Variants in NEU3 observed in about 807,000 individuals in gnomAD.
NEU3 encodes the protein neuraminidase 3, also known as sialidase-3.
In NEU3, 10 loss-of-function variants were observed where a neutral mutation model predicts 11.4. The observed-to-expected ratio is 0.88, with a 90% CI of 0.54 to 1.49. NEU3 has a LOEUF of 1.49. NEU3 is among the 40% of genes most tolerant of loss of function. The pLI is 0.00. For missense variants in NEU3, 529 were observed against 581.8 expected (o/e 0.91, Z 0.93); for synonymous variants, 212 against 228.2 (o/e 0.93, Z 0.64).
At chr11:74,995,933 T>A (rs1948786568) in intron 2 of NEU3, among the ~76,000 whole-genome samples, 1 of 152,094 alleles carries the variant, frequency 6.6e-6, no homozygotes, top group Non-Finnish European at 1.5e-5. Flanking sequence ...GTGGGAGGAT[T>A]GCTTGAGCTC....
rs142753645 is a variant in NEU3, at chr11:75,001,322, C to T, written c.307-4091C>T. Among the ~76,000 whole-genome samples the T allele has an allele frequency of 3.1e-3, 451 of 147,728 alleles. 3 individuals carry two copies. The highest frequency in any genetic ancestry group is 0.011 in the African/African-American group (436 of 39,880). ...TTTGAGATGGAGTCTTACTCTGTCA[C>T]CCAGGCTGGAGTACAGTGGTCAACT... On this transcript the variant is annotated intron_variant, in intron 2 of 2. Transcript: ENST00000294064.
At chr11:74,988,261 C>G (rs1267715024), upstream of NEU3, 3 of 152,264 alleles carry the variant, frequency 2.0e-5, no homozygotes. Context: ...CCTCCAACTC[C>G]TGGGCTCAAG....
At chr11:74,997,993 G>A (rs1168392486) in intron 2 of NEU3, among the ~76,000 whole-genome samples, 2 of 152,236 alleles carry the variant, frequency 1.3e-5, no homozygotes, top group Non-Finnish European at 2.9e-5. Flanking sequence ...TTGATTTAAA[G>A]TGAAAGATGG....
the NEU3 span, among the ~76,000 whole-genome samples, chr11:74,982,017 T>G: frequency 6.6e-6 from 1 of 151,264 alleles, no homozygotes; most frequent in East Asian, 2.1e-4. Context: ...GAAAAGATGT[T>G]TTGACAATGA....
At chr11:74,996,556 C>A (rs1372659264) in intron 2 of NEU3, among the ~76,000 whole-genome samples, 2 of 152,110 alleles carry the variant, frequency 1.3e-5, no homozygotes, top group Non-Finnish European at 2.9e-5. Flanking sequence ...AGTTTTGAAC[C>A]CCTCAAAATC....
At chr11:74,994,244 G>A (rs751319569) in intron 1 of NEU3, among the ~76,000 whole-genome samples, 3 of 152,106 alleles carry the variant, frequency 2.0e-5, no homozygotes, top group African/African-American at 4.8e-5. Flanking sequence ...ATGCAAAACC[G>A]CTCTGCTCCA....
chr11:75,009,885 A>G lies in NEU3; in HGVS notation c.*3393A>G, dbSNP rs1402408832. On this transcript the variant is annotated 3_prime_UTR_variant, in exon 3 of 3. Transcript: ENST00000294064. ...GTCTCCCCTCCGATATTCACAGGAC[A>G]TCAAGCAGCTTCAGCCACGGGTAAG... 1 of 152,256 alleles carries G rather than the reference A, an allele frequency of 6.6e-6. No homozygotes were observed. The highest frequency in any genetic ancestry group is 1.9e-4 in the East Asian group (1 of 5,208). The allele number at this position is 152,256 out of a possible 1,614,324, so 9.4% of individuals were successfully genotyped here.
chr11:74,992,016 T>C (rs1007611287), intron 1 of NEU3, among the ~76,000 whole-genome samples: 4 of 152,144 alleles, frequency 2.6e-5, no homozygotes, highest in African/African-American at 7.2e-5. Context: ...GTGTGGAGAA[T>C]AGAACAAGGA....
chr11:74,995,600 C>T (rs1204926952), intron 2 of NEU3, among the ~76,000 whole-genome samples: 4 of 152,138 alleles, frequency 2.6e-5, no homozygotes, highest in Non-Finnish European at 5.9e-5. Context: ...GTTATGTTTA[C>T]ACTATACTGT....
intron 2 of NEU3, among the ~76,000 whole-genome samples, chr11:74,999,969 G>A (rs1200671798): frequency 6.6e-6 from 1 of 152,150 alleles, no homozygotes; most frequent in African/African-American, 2.4e-5. Flanking sequence ...CTTGAAAATT[G>A]TGATTACTGT....
downstream of NEU3, among the ~76,000 whole-genome samples, chr11:75,020,539 T>A (rs961811160): frequency 1.3e-5 from 2 of 152,064 alleles, no homozygotes; most frequent in Admixed American, 6.5e-5. Flanking sequence ...TAAGGCAGAG[T>A]TCCCCTTCAC....
intron 1 of NEU3, among the ~76,000 whole-genome samples, chr11:74,993,559 A>G (rs1948754644): frequency 6.6e-6 from 1 of 152,216 alleles, no homozygotes; most frequent in Non-Finnish European, 1.5e-5. Context: ...ACATGAAGCT[A>G]GGTCCCTTGA....
In NEU3 at chr11:75,006,621, C is replaced by T; in HGVS notation, c.*129C>T. The T allele has an allele frequency of 8.5e-7, 1 of 1,176,500 alleles. No homozygotes were observed. The highest frequency in any genetic ancestry group is 2.6e-5 in the East Asian group (1 of 38,850). 72.9% of individuals were successfully genotyped at this position (1,176,500 alleles called of 1,614,324 possible). A position where few individuals can be genotyped will look rare whatever the true frequency, so the allele number is the denominator to read the frequency against. Reference sequence around the variant, plus strand: ...CTACCTTTTTTCACTTTTCCTCCTCCAAAGAGCAAAATGAAAATTTTGCCT... The same window carrying T: ...CTACCTTTTTTCACTTTTCCTCCTCTAAAGAGCAAAATGAAAATTTTGCCT... On this transcript the variant is annotated 3_prime_UTR_variant, in exon 3 of 3. Coordinates refer to ENST00000294064, the MANE Select transcript of NEU3 (RefSeq NM_006656.6).
downstream of NEU3, among the ~76,000 whole-genome samples, chr11:75,015,496 G>T (rs1948976812): frequency 6.6e-6 from 1 of 151,998 alleles, no homozygotes; most frequent in Non-Finnish European, 1.5e-5. Flanking sequence ...AAGTTTCCTG[G>T]CCCCACCCAC....
At chr11:74,996,954 A>G (rs1948795489) in intron 2 of NEU3, among the ~76,000 whole-genome samples, 1 of 152,224 alleles carries the variant, frequency 6.6e-6, no homozygotes, top group South Asian at 2.1e-4. Context: ...GGGGCTGTAA[A>G]CAGAAGTGCT....
In NEU3 at chr11:74,998,936, G is replaced by A. The variant is rs547609294; in HGVS notation, c.306+4216G>A. ...AGGACAAGCATTGCCTGTGGTCATC[G>A]TCATGTTGCACTGTTTTTGATCACA... On this transcript the variant is annotated intron_variant, in intron 2 of 2. Transcript: ENST00000294064. Among the ~76,000 whole-genome samples, 10 of 152,270 alleles carry A rather than the reference G, an allele frequency of 6.6e-5. No homozygotes were observed. The East Asian group carries it at 1.7e-3, about 26-fold the overall frequency.
intron 2 of NEU3, chr11:74,995,130 C>T (rs1403818117): frequency 2.1e-6 from 1 of 472,014 alleles, no homozygotes; most frequent in Non-Finnish European, 3.8e-6. Flanking sequence ...TCATAAATCA[C>T]CCAGGGAAGT....
chr11:74,987,762 A>G (rs561239678), upstream of NEU3, among the ~76,000 whole-genome samples: 2 of 152,154 alleles, frequency 1.3e-5, no homozygotes, highest in South Asian at 4.2e-4. Flanking sequence ...GCAGTGAGCC[A>G]AGATGACGCC....
chr11:75,003,182 C>G (rs890376762), intron 2 of NEU3, among the ~76,000 whole-genome samples: 1 of 152,150 alleles, frequency 6.6e-6, no homozygotes, highest in Non-Finnish European at 1.5e-5. Context: ...CAGTTCCATC[C>G]TTATTCCTTG....
Sources: gnomAD v4.1 joint callset for allele counts (sites outside exome capture counted in the v4.1 genomes callset) on GRCh38, gnomAD v4.1.1 for gene constraint, MANE v1.5 for transcripts, NCBI Gene and HGNC (gene_info 2026-07-23, HGNC 2026-07-21) for gene names.